Variants in L3MBTL4 observed in about 807,000 individuals in gnomAD.
L3MBTL4 encodes the protein lethal(3)malignant brain tumor-like protein 4.
Under a neutral mutation model 84.5 loss-of-function variants are expected in L3MBTL4, and 70 were observed. The observed-to-expected ratio is 0.83, with a 90% CI of 0.68 to 1.01. The LOEUF (loss-of-function observed/expected upper bound fraction) is 1.01. Ranked by LOEUF, L3MBTL4 falls within the 50% of genes least tolerant of loss-of-function variation. The pLI, the probability that L3MBTL4 is intolerant of heterozygous loss-of-function variation, is 0.00. For missense variants in L3MBTL4, 715 were observed against 754.8 expected (o/e 0.95, Z 0.62); for synonymous variants, 274 against 259.8 (o/e 1.05, Z -0.52).
chr18:6,027,557 T>C (rs1477871941), intron 16 of L3MBTL4, among the ~76,000 whole-genome samples: 1 of 152,248 alleles, frequency 6.6e-6, no homozygotes, highest in Non-Finnish European at 1.5e-5. Flanking sequence ...AACCCAGTAA[T>C]GGGATTGCTG....
At chr18:6,225,492 G>A (rs1039980412) in intron 10 of L3MBTL4, among the ~76,000 whole-genome samples, 3 of 152,160 alleles carry the variant, frequency 2.0e-5, no homozygotes, top group African/African-American at 7.2e-5. Context: ...AGGCACAGTG[G>A]CTTACACCTA....
chr18:6,006,872 A>C (rs1162868453), intron 16 of L3MBTL4, among the ~76,000 whole-genome samples: 1 of 152,222 alleles, frequency 6.6e-6, no homozygotes, highest in African/African-American at 2.4e-5. Flanking sequence ...GTGTTGAATC[A>C]GGGTATCTTT....
At chr18:6,003,059 TATCTCTATTTATA>T in intron 16 of L3MBTL4, among the ~76,000 whole-genome samples, 2 of 113,476 alleles carry the variant, frequency 1.8e-5, no homozygotes, top group Non-Finnish European at 3.6e-5. Context: ...TAAAATATAG[TATCTCTATTTATA>T]GAGATACTAT....
rs145749786 is a variant in L3MBTL4, at chr18:6,097,923, CCAGT to C, written c.1200-4399_1200-4396del. Among the ~76,000 whole-genome samples, 22 of 152,276 alleles carry C rather than the reference CCAGT, an allele frequency of 1.4e-4. No homozygotes were observed. In the East Asian group the frequency reaches 3.9e-3, roughly 27 times the overall value. On this transcript the variant is annotated intron_variant, in intron 14 of 18. Coordinates refer to ENST00000317931, the MANE Select transcript of L3MBTL4 (RefSeq NM_001330559.2). The stretch of plus-strand genomic sequence containing the variant: ...GCTCCACTTCCCAGATGCCACCTGG[CCAGT>C]CTTCTATGTGCTTCTCACCCCGAAT...
chr18:6,097,669 G>A (rs28378861), intron 14 of L3MBTL4, among the ~76,000 whole-genome samples: 33,643 of 152,028 alleles, frequency 0.22, 5,503 homozygotes, highest in African/African-American at 0.47. Flanking sequence ...GCAGTGCCCC[G>A]GTCTGATGTC....
At position 6,395,815 on chromosome 18, in the gene L3MBTL4, A is replaced by C. The variant is rs576454382; in HGVS notation, c.-91+18986T>G. 8.5e-5 allele frequency: 13 copies of C among 152,324 alleles called. No individual in the cohort carries two copies. In the South Asian group the frequency reaches 2.5e-3, roughly 29 times the overall value. The allele number at this position is 152,324 out of a possible 1,614,324, so 9.4% of individuals were successfully genotyped here. A position where few individuals can be genotyped will look rare whatever the true frequency, so the allele number is the denominator to read the frequency against. On this transcript the variant is annotated intron_variant, in intron 1 of 18. Coordinates refer to ENST00000317931, the MANE Select transcript of L3MBTL4 (RefSeq NM_001330559.2). ...TCATTTTATAATTTAACTCCCATGG[A>C]TATTATCTACAATAAAGATGCGGAA... is the stretch of plus-strand genomic sequence containing the variant.
At chr18:6,358,199 C>T (rs775618713) in intron 1 of L3MBTL4, among the ~76,000 whole-genome samples, 3 of 152,164 alleles carry the variant, frequency 2.0e-5, no homozygotes, top group Non-Finnish European at 2.9e-5. Flanking sequence ...AGACCTTTTC[C>T]GGGTCTAACT....
chr18:6,003,400 C>T (rs960804311), intron 16 of L3MBTL4, among the ~76,000 whole-genome samples: 3 of 151,696 alleles, frequency 2.0e-5, no homozygotes, highest in Non-Finnish European at 4.4e-5. Flanking sequence ...TCTCAGAATA[C>T]AGGACACAAA....
chr18:6,057,166 G>A (rs1452675725), intron 16 of L3MBTL4, among the ~76,000 whole-genome samples: 2 of 151,976 alleles, frequency 1.3e-5, no homozygotes, highest in Non-Finnish European at 2.9e-5. Context: ...GAGTATCTGG[G>A]ATTACAGGCA....
At chr18:6,357,678 GA>G (rs935419481) in intron 1 of L3MBTL4, among the ~76,000 whole-genome samples, 1 of 151,290 alleles carries the variant, frequency 6.6e-6, no homozygotes, top group Non-Finnish European at 1.5e-5. Context: ...CAAGACTTTT[GA>G]AAAAAAACAA....
intron 1 of L3MBTL4, among the ~76,000 whole-genome samples, chr18:6,338,283 A>C (rs1436083370): frequency 1.3e-5 from 2 of 152,018 alleles, no homozygotes; most frequent in Non-Finnish European, 2.9e-5. Flanking sequence ...CAGGTAGAAG[A>C]AAAATGATCC....
intron 16 of L3MBTL4, among the ~76,000 whole-genome samples, chr18:6,004,996 A>ATTTTT (rs1567973105): frequency 6.2e-4 from 26 of 42,020 alleles, no homozygotes; most frequent in Admixed American, 8.8e-4. Context: ...TTAAGATGAT[A>ATTTTT]ATTTTTTTTT....
intron 16 of L3MBTL4, among the ~76,000 whole-genome samples, chr18:5,982,258 C>T (rs1044466540): frequency 6.6e-6 from 1 of 152,116 alleles, no homozygotes; most frequent in Non-Finnish European, 1.5e-5. Context: ...TGCACTTTGG[C>T]CCAGCTCCTG....
Position 6,276,819 on chromosome 18 carries a change from GGCTCT to G in L3MBTL4, c.128-12786_128-12782del, listed in dbSNP as rs2049100325. Among the ~76,000 whole-genome samples the G allele has an allele frequency of 2.0e-5, 3 of 152,078 alleles. No homozygotes were observed. The South Asian group carries it at 6.2e-4, about 32-fold the overall frequency. ...GAAATAGGAAATGCTAGCAGTTAGC[GGCTCT>G]ATAAATTTCCGATGTGGTGACTTAT... On this transcript the variant is annotated intron_variant, in intron 4 of 18. Coordinates refer to ENST00000317931, the MANE Select transcript of L3MBTL4 (RefSeq NM_001330559.2).
At chr18:6,091,365 C>G (rs967182819) in intron 15 of L3MBTL4, among the ~76,000 whole-genome samples, 1 of 152,102 alleles carries the variant, frequency 6.6e-6, no homozygotes, top group Non-Finnish European at 1.5e-5. Context: ...AAAAAGTGGA[C>G]AGATATTGGA....
intron 13 of L3MBTL4, among the ~76,000 whole-genome samples, chr18:6,152,855 T>A (rs73381948): frequency 0.034 from 5,189 of 152,292 alleles, 309 homozygotes; most frequent in African/African-American, 0.12. Flanking sequence ...TCTAAGAGTT[T>A]TATGGTTTCA....
intron 14 of L3MBTL4, among the ~76,000 whole-genome samples, chr18:6,098,919 C>T (rs1035819589): frequency 1.3e-5 from 2 of 151,920 alleles, no homozygotes; most frequent in African/African-American, 2.4e-5. Flanking sequence ...CCTCCCAGAA[C>T]CAAAGGACAG....
chr18:6,287,985 G>A (rs1247486838), intron 4 of L3MBTL4, among the ~76,000 whole-genome samples: 1 of 152,208 alleles, frequency 6.6e-6, no homozygotes, highest in African/African-American at 2.4e-5. Flanking sequence ...CAAGGCTACA[G>A]TGAGCTGTAG....
chr18:5,983,066 C>T (rs914981105), intron 16 of L3MBTL4, among the ~76,000 whole-genome samples: 2 of 152,118 alleles, frequency 1.3e-5, no homozygotes, highest in South Asian at 2.1e-4. Context: ...AAAACTGATG[C>T]GATTTTGTTA....
Sources: gnomAD v4.1 joint callset for allele counts (sites outside exome capture counted in the v4.1 genomes callset) on GRCh38, gnomAD v4.1.1 for gene constraint, MANE v1.5 for transcripts, NCBI Gene and HGNC (gene_info 2026-07-23, HGNC 2026-07-21) for gene names.